Variants in ATAD2B observed in about 807,000 individuals in gnomAD.
The protein encoded by ATAD2B is ATPase family AAA domain-containing protein 2B.
In ATAD2B, 40 loss-of-function variants were observed where a neutral mutation model predicts 167.6. That is an observed-to-expected ratio of 0.24 (90% CI 0.19 to 0.31). ATAD2B has a LOEUF of 0.31. Ranked by LOEUF, ATAD2B falls within the 10% of genes least tolerant of loss-of-function variation. The pLI is 1.00. For missense variants in ATAD2B, 1,242 were observed against 1,757.2 expected (o/e 0.71, Z 5.24); for synonymous variants, 579 against 596.5 (o/e 0.97, Z 0.43).
chr2:23,922,233 A>G (rs1412960765), intron 1 of ATAD2B, among the ~76,000 whole-genome samples: 1 of 151,990 alleles, frequency 6.6e-6, no homozygotes, highest in Non-Finnish European at 1.5e-5. Context: ...GAGTTGAAAT[A>G]ATTTTCAAAG....
chr2:23,708,620 G>A, the ATAD2B span: 6 of 152,260 alleles, frequency 3.9e-5, no homozygotes, highest in African/African-American at 1.2e-4. Flanking sequence ...GGAAGCCAAC[G>A]TAATCTTTGT....
In ATAD2B at chr2:23,793,800, CAG is replaced by C. The variant is rs113164135; in HGVS notation, c.2640+4336_2640+4337del. ...CTGAAAGTGCTAGTGGTCTAGAGAC[CAG>C]AGGTGCACAAACTTTTTGGTCTCAG... On this transcript the variant is annotated intron_variant, in intron 19 of 27. Transcript: ENST00000238789. Among the ~76,000 whole-genome samples, 783 of 152,138 alleles carry C rather than the reference CAG, an allele frequency of 5.1e-3. 9 individuals carry two copies. Among genetic ancestry groups the C allele is most frequent in the African/African-American group, 0.016 (681 of 41,510 alleles).
chr2:23,830,320 A>C (rs1229133127), intron 14 of ATAD2B, among the ~76,000 whole-genome samples: 2 of 152,128 alleles, frequency 1.3e-5, no homozygotes, highest in African/African-American at 2.4e-5. Context: ...AACATATAAG[A>C]ATCTATAATC....
At chr2:23,691,885 G>C in the ATAD2B span, 24 of 1,546,426 alleles carry the variant, frequency 1.6e-5, no homozygotes, top group African/African-American at 2.7e-4. Flanking sequence ...CGGTGAGCCC[G>C]GGGGCCACAT....
At position 23,863,501 on chromosome 2, in the gene ATAD2B, T is replaced by C. The variant is rs1228760548; in HGVS notation, c.1359A>G (p.Ala453=). The change falls in exon 12 of 28, where the codon GCA becomes GCG. Residue 453 remains alanine (A), a synonymous_variant. Coordinates refer to ENST00000238789, the MANE Select transcript of ATAD2B (RefSeq NM_017552.4). ...CTCCTTGGCTGCATTCATTAGCTAATGCTCTGGCAACCAAGGTTTTACCTG... is the reference window on the plus strand; with the variant it reads ...CTCCTTGGCTGCATTCATTAGCTAACGCTCTGGCAACCAAGGTTTTACCTG... The part of the protein sequence containing the change: ...PGTGKTLVAR[A]LANECSQGDK... 6.4e-7 allele frequency: 1 copy of C among 1,569,500 alleles called. No homozygotes were observed. The highest frequency in any genetic ancestry group is 8.6e-7 in the Non-Finnish European group (1 of 1,156,228).
chr2:23,917,830 G>A (rs181041016), intron 1 of ATAD2B, among the ~76,000 whole-genome samples: 153 of 152,070 alleles, frequency 1.0e-3, no homozygotes, highest in African/African-American at 3.5e-3. Flanking sequence ...AGGCCAAGCC[G>A]GGGGGATCAC....
chr2:23,701,822 G>T, the ATAD2B span, among the ~76,000 whole-genome samples: 188 of 98,584 alleles, frequency 1.9e-3, 1 homozygote, highest in Non-Finnish European at 2.9e-3. Context: ...TTTTTTTTCA[G>T]ACGGAGTTTT....
chr2:23,718,184 A>C, the ATAD2B span, among the ~76,000 whole-genome samples: 1 of 152,196 alleles, frequency 6.6e-6, no homozygotes, highest in Non-Finnish European at 1.5e-5. Flanking sequence ...AGGAAGTCAA[A>C]GAATGACCCA....
the ATAD2B span, chr2:23,691,385 C>G: frequency 2.2e-6 from 1 of 464,418 alleles, no homozygotes; most frequent in South Asian, 2.1e-5. Context: ...TGAGGCCAGT[C>G]CTGGTCCTCG....
chr2:23,742,896 T>C, the ATAD2B span, among the ~76,000 whole-genome samples: 1 of 152,084 alleles, frequency 6.6e-6, no homozygotes, highest in Non-Finnish European at 1.5e-5. Context: ...TAAAAGGACA[T>C]GATTTTCCAG....
chr2:23,881,283 A>G (rs1697848054), intron 6 of ATAD2B, among the ~76,000 whole-genome samples: 1 of 152,068 alleles, frequency 6.6e-6, no homozygotes, highest in Admixed American at 6.6e-5. Flanking sequence ...CAAAGTGCAC[A>G]TAAGCATTGA....
At chr2:23,794,272 A>G (rs988648304) in intron 19 of ATAD2B, among the ~76,000 whole-genome samples, 7 of 152,252 alleles carry the variant, frequency 4.6e-5, no homozygotes, top group Admixed American at 4.6e-4. Flanking sequence ...AGCCTTTCAA[A>G]GTGCTGGGAT....
At chr2:23,733,828 C>T in the ATAD2B span, among the ~76,000 whole-genome samples, 1 of 152,318 alleles carries the variant, frequency 6.6e-6, no homozygotes, top group South Asian at 2.1e-4. Context: ...CGGCCTATAG[C>T]ATCTCTCACC....
chr2:23,911,796 G>A (rs1702346971), intron 1 of ATAD2B, among the ~76,000 whole-genome samples: 1 of 151,936 alleles, frequency 6.6e-6, no homozygotes, highest in African/African-American at 2.4e-5. Flanking sequence ...CCAACATGGT[G>A]AAACCTTGTC....
Position 23,758,080 on chromosome 2 carries a change from C to T in ATAD2B, c.3416G>A (p.Arg1139Lys). The change falls in exon 25 of 28, where the codon AGG (arginine) becomes AAG (lysine). Residue 1139 changes from arginine to lysine, a missense_variant. Physicochemically the swap from Arg to Lys is conservative, Grantham distance 26. Coordinates refer to ENST00000238789, the MANE Select transcript of ATAD2B (RefSeq NM_017552.4). Reference sequence around the variant, plus strand: ...TCCTTTACCCCACTGTGATCTCCGCCTTGATTTTCTCCGAACCCGAACTGT... The same window carrying T: ...TCCTTTACCCCACTGTGATCTCCGCTTTGATTTTCTCCGAACCCGAACTGT... ...KCAFRVRRKS[R>K]RRSQWGKGII... The T allele has an allele frequency of 6.3e-7, 1 of 1,579,324 alleles. No individual in the cohort carries two copies. Among genetic ancestry groups the T allele is most frequent in the Non-Finnish European group, 8.5e-7 (1 of 1,171,516 alleles).
At chr2:23,803,313 T>TACACACACACAC (rs150446002) in intron 18 of ATAD2B, among the ~76,000 whole-genome samples, 1 of 149,390 alleles carries the variant, frequency 6.7e-6, no homozygotes, top group Non-Finnish European at 1.5e-5. Flanking sequence ...CATATGTGTG[T>TACACACACACAC]ACACACACAC....
intron 2 of ATAD2B, 136 bp downstream of exon 2, chr2:23,895,678 TATAAA>T (rs1700067732): frequency 1.9e-6 from 1 of 529,894 alleles, no homozygotes; most frequent in Admixed American, 4.0e-5. Context: ...ATACAAAAAT[TATAAA>T]ATAAGTTTAA....
the ATAD2B span, among the ~76,000 whole-genome samples, chr2:23,704,093 A>G: frequency 6.6e-6 from 1 of 152,224 alleles, no homozygotes; most frequent in Admixed American, 6.5e-5. Flanking sequence ...CCCCAGCTCC[A>G]GCAGAAATGA....
At chr2:23,721,670 C>T in the ATAD2B span, among the ~76,000 whole-genome samples, 9 of 152,292 alleles carry the variant, frequency 5.9e-5, no homozygotes, top group East Asian at 1.7e-3. Flanking sequence ...AGACTCCAGG[C>T]CAACCAAGCA....
Sources: gnomAD v4.1 joint callset for allele counts (sites outside exome capture counted in the v4.1 genomes callset) on GRCh38, gnomAD v4.1.1 for gene constraint, MANE v1.5 for transcripts, NCBI Gene and HGNC (gene_info 2026-07-23, HGNC 2026-07-21) for gene names.